TBK1: variants seen among roughly 807,000 people sequenced by gnomAD.
TBK1 encodes the protein TANK binding kinase 1.
Under a neutral mutation model 99.9 loss-of-function variants are expected in TBK1, and 37 were observed. That is an observed-to-expected ratio of 0.37 (90% CI 0.28 to 0.49). TBK1 has a LOEUF of 0.49. TBK1 is among the 20% of genes least tolerant of loss of function. The probability of loss-of-function intolerance (pLI) is 0.98; values close to 1 mark genes in which losing one functional copy is unlikely to be tolerated. For missense variants in TBK1, 644 were observed against 872.5 expected (o/e 0.74, Z 3.30); for synonymous variants, 258 against 279.8 (o/e 0.92, Z 0.78).
rs1030143375 is a variant in TBK1 at position 64,479,881 on chromosome 12, G to A, written c.702-131G>A. On this transcript the variant is annotated intron_variant, in intron 6 of 20. Transcript: ENST00000331710. ...GTATTTTGATTGTTTTATGGATCCT[G>A]TGAGCATCAATCACAAAGTTTCATC... 4.6e-5 allele frequency: 27 copies of A among 585,906 alleles called. No individual in the cohort carries two copies. The East Asian group carries it at 6.9e-4, about 15-fold the overall frequency. The allele number at this position is 585,906 out of a possible 1,614,324, so 36.3% of individuals were successfully genotyped here.
Position 64,484,304 on chromosome 12 carries a change from G to A in TBK1, c.994G>A (p.Ala332Thr). ...HKIYIHSYNT[A>T]TIFHELVYKQ... is the part of the protein sequence containing the mutation. ...TCCTTTTGAATTTTTCTCACACAGT[G>A]CTACTATATTTCATGAACTGGTATA... Residue 332 changes from alanine (A) to threonine (T), a missense_variant and splice_region_variant, in exon 9 of 21, where the codon GCT becomes ACT. Around this residue, in one of 3 missense-constraint regions of TBK1, gnomAD observed 465 missense variants for 588.0 expected, o/e 0.79. Transcript: ENST00000331710. The A allele has an allele frequency of 6.2e-7, 1 of 1,603,600 alleles. No homozygotes were observed. The highest frequency in any genetic ancestry group is 8.5e-7 in the Non-Finnish European group (1 of 1,173,534).
intron 6 of TBK1, among the ~76,000 whole-genome samples, chr12:64,476,150 C>CTT (rs59104364): frequency 0.031 from 1,582 of 51,586 alleles, 3 homozygotes; most frequent in Non-Finnish European, 0.036. Context: ...GCGTAGTCTT[C>CTT]TTTTTTTTTT....
chr12:64,454,092 A>G (rs781162285), intron 1 of TBK1, among the ~76,000 whole-genome samples: 5 of 152,162 alleles, frequency 3.3e-5, no homozygotes, highest in Non-Finnish European at 7.3e-5. Context: ...AATTTTTCCT[A>G]TATTTGTTAT....
intron 1 of TBK1, among the ~76,000 whole-genome samples, chr12:64,453,380 T>G (rs2040449453): frequency 6.6e-6 from 1 of 152,268 alleles, no homozygotes; most frequent in African/African-American, 2.4e-5. Flanking sequence ...GGTTTTTCGT[T>G]AGATAGTTGA....
intron 13 of TBK1, among the ~76,000 whole-genome samples, chr12:64,491,319 A>G (rs2040867210): frequency 6.6e-6 from 1 of 151,914 alleles, no homozygotes; most frequent in Admixed American, 6.6e-5. Context: ...AAATGAGATA[A>G]ATAAAAATAC....
intron 5 of TBK1, among the ~76,000 whole-genome samples, chr12:64,468,588 C>A (rs1259012492): frequency 6.6e-6 from 1 of 152,080 alleles, no homozygotes; most frequent in Non-Finnish European, 1.5e-5. Flanking sequence ...GTTCTAGGTG[C>A]TCAGACTTCT....
chr12:64,488,572 G>A lies in TBK1; in HGVS notation c.1426G>A (p.Glu476Lys), dbSNP rs755602104. ...ITLDFCIRNI[E>K]KTVKVYEKLM... ...ATTGGATTTCTGTATCAGAAACATT[G>A]AAAAAACTGTGAAAGTGTGAGTAGA... The change falls in exon 12 of 21, where the codon GAA (glutamate) becomes AAA (lysine). Residue 476 changes from glutamate to lysine, a missense_variant. Around this residue, in one of 3 missense-constraint regions of TBK1, gnomAD observed 465 missense variants for 588.0 expected, o/e 0.79. Transcript: ENST00000331710. 6 of 1,600,884 alleles carry A rather than the reference G, an allele frequency of 3.7e-6. No homozygotes were observed. In the East Asian group the frequency reaches 1.3e-4, roughly 36 times the overall value.
chr12:64,485,054 G>A (rs894375548), intron 9 of TBK1, among the ~76,000 whole-genome samples: 1 of 152,034 alleles, frequency 6.6e-6, no homozygotes, highest in Non-Finnish European at 1.5e-5. Flanking sequence ...TTTGTGTGCA[G>A]TATGTATAGA....
rs2136092408 is a variant in TBK1 at position 64,501,456 on chromosome 12, A to G, written c.*75A>G. The G allele has an allele frequency of 2.2e-6, 3 of 1,362,258 alleles. No homozygotes were observed. Among genetic ancestry groups the G allele is most frequent in the Middle Eastern group, 1.8e-4 (1 of 5,554 alleles). The allele number at this position is 1,362,258 out of a possible 1,614,324, so 84.4% of individuals were successfully genotyped here. A position where few individuals can be genotyped will look rare whatever the true frequency, so the allele number is the denominator to read the frequency against. On this transcript the variant is annotated 3_prime_UTR_variant, in exon 21 of 21. Coordinates refer to ENST00000331710, the MANE Select transcript of TBK1 (RefSeq NM_013254.4). Reference sequence around the variant, plus strand: ...GCTTGGGCATTAAATGAATGCCTTTATAGATAGTCACTTGTTTCTACAATT... The same window carrying G: ...GCTTGGGCATTAAATGAATGCCTTTGTAGATAGTCACTTGTTTCTACAATT...
At chr12:64,470,921 CTG>C (rs774553307) in intron 5 of TBK1, among the ~76,000 whole-genome samples, 3 of 152,174 alleles carry the variant, frequency 2.0e-5, no homozygotes, top group Admixed American at 6.5e-5. Flanking sequence ...AATTCCAAGT[CTG>C]TGCTGTACTC....
rs753131215 is a variant in TBK1, at chr12:64,460,170, TTC to T, written c.88-11_88-10del. 6.3e-6 allele frequency: 9 copies of T among 1,426,546 alleles called. No homozygotes were observed. The South Asian group carries it at 1.1e-4, about 18-fold the overall frequency. The allele number at this position is 1,426,546 out of a possible 1,614,324, so 88.4% of individuals were successfully genotyped here. A position where few individuals can be genotyped will look rare whatever the true frequency, so the allele number is the denominator to read the frequency against. On this transcript the variant is annotated splice_polypyrimidine_tract_variant and intron_variant, in intron 2 of 20. Coordinates refer to ENST00000331710, the MANE Select transcript of TBK1 (RefSeq NM_013254.4). ...ACAATATTATGAATAAATAAAACAT[TTC>T]TCTCTCTTTTTTAAAGAAAACTGGT...
intron 5 of TBK1, among the ~76,000 whole-genome samples, chr12:64,473,045 G>T (rs939230361): frequency 6.6e-6 from 1 of 152,106 alleles, no homozygotes; most frequent in Admixed American, 6.6e-5. Flanking sequence ...TGCATTTGAG[G>T]GATAAGGCAA....
At chr12:64,493,381 C>T (rs1294212375) in intron 13 of TBK1, among the ~76,000 whole-genome samples, 1 of 151,436 alleles carries the variant, frequency 6.6e-6, no homozygotes, top group African/African-American at 2.4e-5. Flanking sequence ...AATCCCAGAA[C>T]TTTGGGAGGC....
intron 1 of TBK1, among the ~76,000 whole-genome samples, chr12:64,455,329 T>C (rs745440293): frequency 2.2e-4 from 33 of 152,154 alleles, no homozygotes; most frequent in Admixed American, 3.9e-4. Context: ...TTTATTATAG[T>C]ATGTATAGTG....
intron 13 of TBK1, among the ~76,000 whole-genome samples, chr12:64,492,952 G>T (rs2040886004): frequency 6.8e-6 from 1 of 147,680 alleles, no homozygotes. Context: ...CTGGAGTGCA[G>T]TGGTACAGTC....
intron 4 of TBK1, 109 bp downstream of exon 4, chr12:64,464,572 G>C (rs1348558581): frequency 5.0e-6 from 4 of 800,382 alleles, no homozygotes; most frequent in African/African-American, 3.5e-5. Context: ...TGCTTCATTA[G>C]ATATGACACC....
chr12:64,499,343 C>A (rs1451047226), intron 20 of TBK1, among the ~76,000 whole-genome samples: 6 of 152,030 alleles, frequency 3.9e-5, no homozygotes, highest in Non-Finnish European at 8.8e-5. Context: ...CCGCACCCGG[C>A]CAATTTTGTT....
chr12:64,467,221 C>A (rs2040615930), intron 5 of TBK1, 139 bp downstream of exon 5: 2 of 612,164 alleles, frequency 3.3e-6, no homozygotes, highest in Non-Finnish European at 5.0e-6. Context: ...TGAATATGTG[C>A]AACATGGGAA....
intron 2 of TBK1, among the ~76,000 whole-genome samples, chr12:64,458,157 G>A (rs1219271883): frequency 2.6e-5 from 4 of 151,564 alleles, no homozygotes; most frequent in Non-Finnish European, 4.4e-5. Flanking sequence ...GCCCAGTCTA[G>A]TATTTAGTCC....
Sources: allele counts gnomAD v4.1 joint callset (sites outside exome capture counted in the v4.1 genomes callset), GRCh38; gene constraint gnomAD v4.1.1; regional missense constraint gnomAD v4.1.1; transcripts MANE v1.5; gene names NCBI Gene and HGNC (gene_info 2026-07-23, HGNC 2026-07-21).